Variants in C16orf46 observed in about 807,000 individuals in gnomAD.
C16orf46 encodes chromosome 16 open reading frame 46.
In C16orf46, 7 loss-of-function variants were observed where a neutral mutation model predicts 5.5. That is an observed-to-expected ratio of 1.28 (90% CI 0.73 to 2.40). The LOEUF is 2.40. Among genes scored for constraint, C16orf46 ranks in the 30% most tolerant of loss-of-function variants. The probability of loss-of-function intolerance (pLI) is 0.00; values close to 1 mark genes in which losing one functional copy is unlikely to be tolerated. For synonymous variants in C16orf46, 200 were observed against 184.1 expected, an observed-to-expected ratio of 1.09 and a Z score of -0.70; for missense variants, 614 against 476.0, an observed-to-expected ratio of 1.29 and a Z score of -2.70.
intron 1 of C16orf46, among the ~76,000 whole-genome samples, chr16:81,074,377 C>T (rs1315327482): frequency 1.3e-5 from 2 of 151,706 alleles, no homozygotes; most frequent in African/African-American, 4.8e-5. Context: ...AAAAGTGTAA[C>T]TCAATCTTTT....
At chr16:81,057,710 A>G (rs141266770), downstream of C16orf46, among the ~76,000 whole-genome samples, 26 of 151,326 alleles carry the variant, frequency 1.7e-4, 1 homozygote, top group African/African-American at 6.3e-4. Context: ...CACATTAGAA[A>G]GGCCAGGATC....
At chr16:81,070,465 G>C (rs1325211839) in intron 1 of C16orf46, among the ~76,000 whole-genome samples, 1 of 152,148 alleles carries the variant, frequency 6.6e-6, no homozygotes, top group East Asian at 1.9e-4. Context: ...CAATGCGCCA[G>C]AATAAGGAAT....
rs1365510958 is a variant in C16orf46 at position 81,061,684 on chromosome 16, A to C, written c.665T>G (p.Leu222Trp). The change falls in exon 4 of 4, where the codon TTG (leucine) becomes TGG (tryptophan). Residue 222 changes from leucine to tryptophan, a missense_variant. Transcript: ENST00000299578. ...PPLKASLSNALDVLGKKSKNS... is the reference protein window; with the variant it reads ...PPLKASLSNAWDVLGKKSKNS... ...CTTACTCTTCTTACCCAGAACATCC[A>C]AAGCATTTGAAAGTGAAGCCTTCAG... 1.2e-6 allele frequency: 2 copies of C among 1,614,160 alleles called. No homozygotes were observed. The highest frequency in any genetic ancestry group is 3.3e-5 in the Admixed American group (2 of 60,022).
At chr16:81,062,552 C>T (rs544292010) in intron 3 of C16orf46, among the ~76,000 whole-genome samples, 2 of 152,304 alleles carry the variant, frequency 1.3e-5, no homozygotes, top group East Asian at 3.9e-4. Context: ...ACCGTTCATA[C>T]TTGTCCCACC....
exon 4 of C16orf46, chr16:81,054,031 G>A (rs750317040): frequency 8.2e-6 from 13 of 1,587,432 alleles, no homozygotes; most frequent in South Asian, 5.5e-5. Context: ...CATCTCAACC[G>A]TGTTGCTGCT....
chr16:81,056,975 AT>A, downstream of C16orf46, among the ~76,000 whole-genome samples: 1 of 152,056 alleles, frequency 6.6e-6, no homozygotes, highest in African/African-American at 2.4e-5. Flanking sequence ...AGCTAGGGTG[AT>A]TTTGCCCTAA....
intron 1 of C16orf46, among the ~76,000 whole-genome samples, chr16:81,067,656 G>A (rs1211090703): frequency 2.0e-5 from 3 of 152,054 alleles, no homozygotes; most frequent in Non-Finnish European, 4.4e-5. Context: ...GGGTTCAAGC[G>A]ATTCTCCTGC....
In C16orf46 at chr16:81,066,230, T is replaced by G. The variant is rs1262964867; in HGVS notation, c.-76A>C. On this transcript the variant is annotated 5_prime_UTR_variant, in exon 2 of 4. Coordinates refer to ENST00000299578, the MANE Select transcript of C16orf46 (RefSeq NM_152337.3). Reference sequence around the variant, plus strand: ...TGCACCTTCGGAACACTGGTGTACTTCAGGCAGGATCAACACGCTCCGCTA... The same window carrying G: ...TGCACCTTCGGAACACTGGTGTACTGCAGGCAGGATCAACACGCTCCGCTA... 6.6e-6 allele frequency: 1 copy of G among 151,992 alleles called. No individual in the cohort carries two copies. The highest frequency in any genetic ancestry group is 1.5e-5 in the Non-Finnish European group (1 of 67,982). 9.4% of individuals were successfully genotyped at this position (151,992 alleles called of 1,614,324 possible).
intron 1 of C16orf46, among the ~76,000 whole-genome samples, chr16:81,074,406 G>T (rs1468439574): frequency 2.0e-5 from 3 of 149,384 alleles, no homozygotes; most frequent in African/African-American, 7.4e-5. Flanking sequence ...TTTTTTTTTA[G>T]ACAGAGTCTC....
intron 1 of C16orf46, among the ~76,000 whole-genome samples, chr16:81,069,541 C>A (rs1971774254): frequency 6.6e-6 from 1 of 151,912 alleles, no homozygotes; most frequent in Admixed American, 6.5e-5. Context: ...ACAGACATTG[C>A]CTCACTTTAA....
downstream of C16orf46, chr16:81,058,030 C>CAAACA (rs57856942): frequency 0.048 from 8,420 of 173,616 alleles, 649 homozygotes; most frequent in African/African-American, 0.18. Flanking sequence ...AACTCCATCT[C>CAAACA]AAACAAAACA....
At chr16:81,059,054 CTTAT>C (rs368410396), downstream of C16orf46, among the ~76,000 whole-genome samples, 66 of 152,138 alleles carry the variant, frequency 4.3e-4, no homozygotes, top group East Asian at 2.1e-3. Context: ...GACTTGGATT[CTTAT>C]TTATTTATTT....
intron 1 of C16orf46, among the ~76,000 whole-genome samples, chr16:81,074,358 T>C (rs1971954678): frequency 6.6e-6 from 1 of 152,132 alleles, no homozygotes; most frequent in South Asian, 2.1e-4. Context: ...AAAGTTACTA[T>C]ATTTTTTTAA....
At chr16:81,074,220 C>T (rs1011132418) in intron 1 of C16orf46, among the ~76,000 whole-genome samples, 1 of 152,126 alleles carries the variant, frequency 6.6e-6, no homozygotes, top group African/African-American at 2.4e-5. Context: ...CTTAAGAATG[C>T]AAAATTACCT....
rs1450007802 is a variant in C16orf46, at chr16:81,061,432, TCA to T, written c.915_916del (p.Asn308ProfsTer?). 4 of 1,614,150 alleles carry T rather than the reference TCA, an allele frequency of 2.5e-6. No individual in the cohort carries two copies. In the South Asian group the frequency reaches 3.3e-5, roughly 13 times the overall value. On this transcript the variant is annotated frameshift_variant, in exon 4 of 4. Transcript: ENST00000299578. LOFTEE classifies it low-confidence loss of function (END_TRUNC). Reference sequence around the variant, plus strand: ...GTCTGGAGGGCACGCCAGGTTTTTCTCAGACAGGAGGGACCAATGCAGGCAGC... The same window carrying T: ...GTCTGGAGGGCACGCCAGGTTTTTCTGACAGGAGGGACCAATGCAGGCAGC...
intron 1 of C16orf46, among the ~76,000 whole-genome samples, chr16:81,067,234 C>T (rs1159818562): frequency 6.6e-6 from 1 of 152,148 alleles, no homozygotes; most frequent in African/African-American, 2.4e-5. Context: ...AATGATCAGC[C>T]AAAGAAATGT....
Position 81,061,945 on chromosome 16 carries a change from G to C in C16orf46, c.404C>G (p.Ala135Gly). ...AGCAGTGCTGGGGCCCTGGGGGGCT[G>C]CCTGAGTCTGGGAGGGGCTGCTCTG... ...KDQSSPSQTQAAPQGPSTASR... is the reference protein window; with the variant it reads ...KDQSSPSQTQGAPQGPSTASR... Residue 135 changes from alanine (A) to glycine (G), a missense_variant, in exon 4 of 4, where the codon GCA becomes GGA. By Grantham distance (60) the Ala-to-Gly change is moderately conservative. Coordinates refer to ENST00000299578, the MANE Select transcript of C16orf46 (RefSeq NM_152337.3). 1 of 1,614,160 alleles carries C rather than the reference G, an allele frequency of 6.2e-7. No individual in the cohort carries two copies. Among genetic ancestry groups the C allele is most frequent in the African/African-American group, 1.3e-5 (1 of 75,054 alleles).
chr16:81,055,890 G>C (rs1190884972), intron 3 of C16orf46: 3 of 152,044 alleles, frequency 2.0e-5, no homozygotes, highest in Non-Finnish European at 4.4e-5. Flanking sequence ...GCTAATTTTT[G>C]TATTTTTAGT....
chr16:81,076,549 T>C (rs1000771180), intron 1 of C16orf46: 2 of 152,220 alleles, frequency 1.3e-5, no homozygotes, highest in African/African-American at 4.8e-5. Flanking sequence ...CAACTCACAT[T>C]AATGAATTCA....
Sources: gnomAD v4.1 joint callset for allele counts (sites outside exome capture counted in the v4.1 genomes callset) on GRCh38, gnomAD v4.1.1 for gene constraint, MANE v1.5 for transcripts, NCBI Gene and HGNC (gene_info 2026-07-23, HGNC 2026-07-21) for gene names.